Variants in CNTN5 observed in about 807,000 individuals in gnomAD.
CNTN5 encodes contactin-5.
A neutral mutation model predicts 129.1 loss-of-function variants in CNTN5; 77 were observed. The observed-to-expected ratio is 0.60, with a 90% CI of 0.50 to 0.72. The LOEUF is 0.72. Among genes scored for constraint, CNTN5 ranks in the 30% least tolerant of loss-of-function variants. The pLI is 0.00. For synonymous variants in CNTN5, 509 were observed against 465.6 expected, an observed-to-expected ratio of 1.09 and a Z score of -1.20; for missense variants, 1,478 against 1,328.8, an observed-to-expected ratio of 1.11 and a Z score of -1.75.
At chr11:99,794,717 AATTATTTTCTTTAACC>A (rs1356191164) in intron 3 of CNTN5, among the ~76,000 whole-genome samples, 1 of 152,086 alleles carries the variant, frequency 6.6e-6, no homozygotes, top group Non-Finnish European at 1.5e-5. Flanking sequence ...CTTGGTTGGA[AATTATTTTCTTTAACC>A]ATGCTGAATA....
intron 20 of CNTN5, among the ~76,000 whole-genome samples, chr11:100,307,892 T>C (rs1401842355): frequency 6.6e-6 from 1 of 151,708 alleles, no homozygotes; most frequent in Non-Finnish European, 1.5e-5. Context: ...ATGAGATAAA[T>C]ACTCTCATTA....
intron 2 of CNTN5, among the ~76,000 whole-genome samples, chr11:99,428,496 G>A (rs1182907711): frequency 6.7e-6 from 1 of 148,492 alleles, no homozygotes; most frequent in Admixed American, 6.9e-5. Flanking sequence ...GGAGGAGGAG[G>A]CTTTGGTGAG....
chr11:100,049,695 A>T (rs941759929), intron 9 of CNTN5, among the ~76,000 whole-genome samples: 4 of 152,160 alleles, frequency 2.6e-5, no homozygotes, highest in African/African-American at 4.8e-5. Context: ...GCAACCTACA[A>T]AATGGGAGAA....
chr11:99,148,378 C>A (rs1859887633), intron 1 of CNTN5, among the ~76,000 whole-genome samples: 2 of 151,698 alleles, frequency 1.3e-5, no homozygotes, highest in South Asian at 4.2e-4. Context: ...AAAAAAAATT[C>A]ATGAATTGGG....
At chr11:99,124,471 A>G (rs982093782) in intron 1 of CNTN5, among the ~76,000 whole-genome samples, 5 of 152,002 alleles carry the variant, frequency 3.3e-5, no homozygotes, top group Non-Finnish European at 5.9e-5. Context: ...TAACATCTAC[A>G]AACAGGGATG....
intron 8 of CNTN5, among the ~76,000 whole-genome samples, chr11:99,965,945 T>G (rs1205377621): frequency 6.6e-6 from 1 of 152,194 alleles, no homozygotes; most frequent in Non-Finnish European, 1.5e-5. Flanking sequence ...AAACACTTGT[T>G]CTGAAAATAA....
intron 1 of CNTN5, among the ~76,000 whole-genome samples, chr11:99,221,197 T>C (rs11218898): frequency 0.2 from 30,573 of 151,870 alleles, 3,131 homozygotes; most frequent in South Asian, 0.24. Context: ...TAATTTTTAT[T>C]CATTTATGAA....
intron 1 of CNTN5, among the ~76,000 whole-genome samples, chr11:99,242,029 C>CA (rs1462431447): frequency 2.0e-5 from 3 of 152,026 alleles, no homozygotes; most frequent in South Asian, 4.2e-4. Context: ...TAGTAAACCA[C>CA]AAAAAATTTA....
intron 2 of CNTN5, among the ~76,000 whole-genome samples, chr11:99,337,601 G>A (rs983015094): frequency 7.9e-5 from 12 of 152,084 alleles, no homozygotes; most frequent in Admixed American, 3.9e-4. Flanking sequence ...CCTCATTCCC[G>A]TAAACCCACA....
intron 2 of CNTN5, among the ~76,000 whole-genome samples, chr11:99,519,158 T>C (rs1947173966): frequency 6.6e-6 from 1 of 152,016 alleles, no homozygotes; most frequent in African/African-American, 2.4e-5. Flanking sequence ...CTTAGACTGC[T>C]CCAGTAAGTG....
intron 1 of CNTN5, among the ~76,000 whole-genome samples, chr11:99,267,270 A>C (rs1862947188): frequency 6.6e-6 from 1 of 152,112 alleles, no homozygotes; most frequent in South Asian, 2.1e-4. Context: ...TAGTTCTAAC[A>C]ATGAAATAAC....
intron 8 of CNTN5, among the ~76,000 whole-genome samples, chr11:99,980,642 C>T (rs1206015428): frequency 4.6e-5 from 7 of 152,088 alleles, no homozygotes; most frequent in African/African-American, 1.7e-4. Context: ...ATAGCAGTTC[C>T]CAGTTGCTGC....
At chr11:99,948,952 G>A (rs1172456760) in intron 7 of CNTN5, among the ~76,000 whole-genome samples, 7 of 152,166 alleles carry the variant, frequency 4.6e-5, no homozygotes, top group Admixed American at 3.9e-4. Flanking sequence ...TGGATACAGG[G>A]GAGAGGGTGC....
At position 99,799,122 on chromosome 11, in the gene CNTN5, A is replaced by C. The variant is rs116482225; in HGVS notation, c.56-20422A>C. Among the ~76,000 whole-genome samples, 624 of 152,010 alleles carry C rather than the reference A, an allele frequency of 4.1e-3. 8 individuals carry two copies. Among genetic ancestry groups the C allele is most frequent in the African/African-American group, 0.014 (589 of 41,510 alleles). ...TTTTGTACATTAATTTTGTACCTGA[A>C]TCTTCACTAAGGTCATTTATCAGTT... is the stretch of plus-strand genomic sequence containing the variant. On this transcript the variant is annotated intron_variant, in intron 3 of 24. Coordinates refer to ENST00000524871, the MANE Select transcript of CNTN5 (RefSeq NM_014361.4).
intron 3 of CNTN5, among the ~76,000 whole-genome samples, chr11:99,723,070 C>T (rs76021618): frequency 0.044 from 6,726 of 152,100 alleles, 239 homozygotes; most frequent in East Asian, 0.2. Context: ...GATCTACAAT[C>T]TACTGTTCCT....
intron 3 of CNTN5, among the ~76,000 whole-genome samples, chr11:99,733,781 C>T (rs768794085): frequency 6.6e-6 from 1 of 152,120 alleles, no homozygotes; most frequent in African/African-American, 2.4e-5. Context: ...TATTATGAGG[C>T]TTTCACACAC....
chr11:99,486,874 T>A (rs990672222), intron 2 of CNTN5, among the ~76,000 whole-genome samples: 2 of 152,124 alleles, frequency 1.3e-5, no homozygotes, highest in Non-Finnish European at 1.5e-5. Flanking sequence ...ATTAGAAAAA[T>A]TTTTTATTGG....
At chr11:99,449,442 TCA>T (rs1380505422) in intron 2 of CNTN5, among the ~76,000 whole-genome samples, 1 of 152,248 alleles carries the variant, frequency 6.6e-6, no homozygotes, top group Non-Finnish European at 1.5e-5. Context: ...TGAAAATTAC[TCA>T]CAATATTTAA....
chr11:100,094,773 GAA>G (rs1944935498), intron 13 of CNTN5, among the ~76,000 whole-genome samples: 1 of 114,622 alleles, frequency 8.7e-6, no homozygotes, highest in Non-Finnish European at 1.6e-5. Context: ...GGAAAGGAAG[GAA>G]GGAAGGAAGG....
Sources: gnomAD v4.1 joint callset for allele counts (sites outside exome capture counted in the v4.1 genomes callset) on GRCh38, gnomAD v4.1.1 for gene constraint, MANE v1.5 for transcripts, NCBI Gene and HGNC (gene_info 2026-07-23, HGNC 2026-07-21) for gene names.